GPHN: variants seen among roughly 807,000 people sequenced by gnomAD.
The protein encoded by GPHN is gephyrin.
GPHN carries 17 observed loss-of-function variants against 95.5 expected under a neutral mutation model. The ratio of observed to expected loss-of-function variants is 0.18; its 90% CI spans 0.12 to 0.27. The LOEUF is 0.27. GPHN is among the 10% of genes least tolerant of loss of function. The probability of loss-of-function intolerance (pLI) is 1.00; values close to 1 mark genes in which losing one functional copy is unlikely to be tolerated. For missense variants in GPHN, 660 were observed against 978.1 expected (o/e 0.67, Z 4.34); for synonymous variants, 320 against 322.5 (o/e 0.99, Z 0.08).
the GPHN span, among the ~76,000 whole-genome samples, chr14:67,318,720 G>A: frequency 1.3e-5 from 2 of 152,110 alleles, no homozygotes; most frequent in Non-Finnish European, 2.9e-5. Flanking sequence ...ACTATATGAT[G>A]TTGTTCTCAC....
chr14:67,662,025 G>A, the GPHN span, among the ~76,000 whole-genome samples: 1 of 151,900 alleles, frequency 6.6e-6, no homozygotes, highest in Admixed American at 6.6e-5. Context: ...GTGTGGTGGC[G>A]CCCACCTGTA....
At chr14:67,089,115 ATTTTTTTTTCTTTTTTTCT>A (rs1267111383) in intron 12 of GPHN, 40 bp downstream of exon 12, 62 of 363,244 alleles carry the variant, frequency 1.7e-4, no homozygotes, top group African/African-American at 6.4e-4. Context: ...CAGGCACTGT[ATTTTTTTTTCTTTTTTTCT>A]TTTTTTTTTT....
chr14:66,767,992 T>G (rs11158646), intron 2 of GPHN, among the ~76,000 whole-genome samples: 46,576 of 151,830 alleles, frequency 0.31, 11,774 homozygotes, highest in African/African-American at 0.67. Context: ...ATATAAATAA[T>G]AGTACACAAA....
chr14:67,225,970 C>CGT, the GPHN span, among the ~76,000 whole-genome samples: 1,667 of 104,904 alleles, frequency 0.016, 38 homozygotes, highest in African/African-American at 0.045. Flanking sequence ...TGTGCGCGCG[C>CGT]GCGCGTGCGC....
the GPHN span, among the ~76,000 whole-genome samples, chr14:67,398,555 C>T: frequency 7.2e-6 from 1 of 138,128 alleles, no homozygotes; most frequent in Non-Finnish European, 1.5e-5. Flanking sequence ...CTAAACTACC[C>T]TTCTCTTTAT....
chr14:67,374,528 A>G, the GPHN span: 11 of 1,608,042 alleles, frequency 6.8e-6, no homozygotes, highest in Non-Finnish European at 9.4e-6. Context: ...TGTGAAGACA[A>G]ATTCACAAAA....
the GPHN span, among the ~76,000 whole-genome samples, chr14:67,500,804 C>A: frequency 3.2e-4 from 48 of 151,992 alleles, no homozygotes; most frequent in African/African-American, 1.1e-3. Context: ...ATCTCCTGAA[C>A]TTGTGATCCG....
At chr14:67,443,203 A>G in the GPHN span, among the ~76,000 whole-genome samples, 1 of 152,172 alleles carries the variant, frequency 6.6e-6, no homozygotes, top group Non-Finnish European at 1.5e-5. Context: ...CCTGGGCAAC[A>G]GAGCCAGACT....
chr14:66,825,149 G>A (rs964564482), intron 4 of GPHN, among the ~76,000 whole-genome samples: 5 of 152,062 alleles, frequency 3.3e-5, no homozygotes, highest in Non-Finnish European at 7.4e-5. Flanking sequence ...ATTAGGGAAA[G>A]AATGAAGAAT....
chr14:66,932,042 C>G (rs1032712177), intron 8 of GPHN, among the ~76,000 whole-genome samples: 6 of 152,198 alleles, frequency 3.9e-5, no homozygotes, highest in Non-Finnish European at 7.3e-5. Flanking sequence ...TGATCTAAGT[C>G]TGGTCACTGA....
the GPHN span, chr14:67,279,876 A>G: frequency 2.1e-5 from 5 of 242,856 alleles, no homozygotes; most frequent in South Asian, 8.8e-4. Flanking sequence ...TCAGATTTTG[A>G]ATTTCTGATT....
the GPHN span, among the ~76,000 whole-genome samples, chr14:67,314,226 T>C: frequency 1.3e-5 from 2 of 152,158 alleles, no homozygotes; most frequent in Non-Finnish European, 2.9e-5. Flanking sequence ...CTGAGAAATA[T>C]TGACTATGAG....
the GPHN span, chr14:67,223,624 C>A: frequency 1.5e-6 from 1 of 662,088 alleles, no homozygotes; most frequent in Non-Finnish European, 1.9e-6. Context: ...ACAAGGGTGG[C>A]ACAACTTACA....
chr14:66,570,693 A>G (rs1323225903), intron 1 of GPHN, among the ~76,000 whole-genome samples: 1 of 152,204 alleles, frequency 6.6e-6, no homozygotes, highest in Non-Finnish European at 1.5e-5. Context: ...GAACCCCCTT[A>G]CTGTTTTCCA....
the GPHN span, chr14:67,395,586 GT>G: frequency 1.2e-6 from 2 of 1,613,954 alleles, no homozygotes; most frequent in Admixed American, 3.3e-5. Context: ...ATGAGGAGCT[GT>G]GGGAAGAGAG....
the GPHN span, among the ~76,000 whole-genome samples, chr14:67,713,397 CAAAAAAAAAA>C: frequency 4.8e-4 from 23 of 47,654 alleles, no homozygotes; most frequent in African/African-American, 1.0e-3. Flanking sequence ...AGTAAAACTC[CAAAAAAAAAA>C]AAAAAAAAAA....
intron 10 of GPHN, among the ~76,000 whole-genome samples, chr14:67,056,811 T>TG (rs113249755): frequency 0.042 from 4,376 of 103,778 alleles, 78 homozygotes; most frequent in Admixed American, 0.086. Flanking sequence ...ACAGTGGGGG[T>TG]GGGGGGGGGT....
chr14:66,535,301 G>C (rs1225452851), intron 1 of GPHN, among the ~76,000 whole-genome samples: 1 of 152,008 alleles, frequency 6.6e-6, no homozygotes, highest in African/African-American at 2.4e-5. Context: ...AGTCTTACTA[G>C]AGTGTATATG....
intron 6 of GPHN, among the ~76,000 whole-genome samples, chr14:66,919,621 T>G (rs2066099714): frequency 6.6e-6 from 1 of 152,196 alleles, no homozygotes; most frequent in South Asian, 2.1e-4. Context: ...TATTAAACAA[T>G]CTTGTGGCCA....
Sources: gnomAD v4.1 joint callset for allele counts (sites outside exome capture counted in the v4.1 genomes callset) on GRCh38, gnomAD v4.1.1 for gene constraint, MANE v1.5 for transcripts, NCBI Gene and HGNC (gene_info 2026-07-23, HGNC 2026-07-21) for gene names.